Variants in UNC80 observed in about 807,000 individuals in gnomAD.
The protein encoded by UNC80 is unc-80 subunit of NALCN channel complex, also known as protein unc-80 homolog.
Under a neutral mutation model 384.6 loss-of-function variants are expected in UNC80, and 164 were observed. The observed-to-expected ratio is 0.43, with a 90% confidence interval of 0.38 to 0.49. The LOEUF is 0.49. UNC80 is among the 20% of genes least tolerant of loss of function. The pLI is 0.00. For synonymous variants in UNC80, 1,486 were observed against 1,527.8 expected (o/e 0.97, Z 0.64); for missense variants, 3,330 against 4,143.0 (o/e 0.80, Z 5.39).
chr2:209,846,154 C>T (rs2082156189), intron 21 of UNC80, among the ~76,000 whole-genome samples: 4 of 152,098 alleles, frequency 2.6e-5, no homozygotes, highest in Admixed American at 1.3e-4. Flanking sequence ...AGAGAACAAA[C>T]ATCAAACCTT....
chr2:209,934,360 GGA>G (rs1246165386), intron 39 of UNC80, among the ~76,000 whole-genome samples: 1 of 152,142 alleles, frequency 6.6e-6, no homozygotes, highest in African/African-American at 2.4e-5. Context: ...TGTATGGCAT[GGA>G]CTCCAGTCTT....
At chr2:209,868,650 C>T (rs2084036626) in intron 22 of UNC80, among the ~76,000 whole-genome samples, 1 of 152,140 alleles carries the variant, frequency 6.6e-6, no homozygotes, top group Non-Finnish European at 1.5e-5. Flanking sequence ...TAGCCAGACT[C>T]CTGATGTTTT....
At chr2:209,912,128 C>A (rs1183747426) in intron 29 of UNC80, among the ~76,000 whole-genome samples, 1 of 152,154 alleles carries the variant, frequency 6.6e-6, no homozygotes, top group Non-Finnish European at 1.5e-5. Context: ...CAGCATCCAA[C>A]CCTATGAAGG....
chr2:209,975,792 C>T (rs552755348), intron 56 of UNC80, among the ~76,000 whole-genome samples: 1 of 152,182 alleles, frequency 6.6e-6, no homozygotes, highest in African/African-American at 2.4e-5. Context: ...GAAGGTAAAA[C>T]GTTAGCCACA....
At position 209,926,986 on chromosome 2, in the gene UNC80, G is replaced by C. The variant is rs1401196061; in HGVS notation, c.5806G>C (p.Val1936Leu). The C allele has an allele frequency of 3.2e-6, 5 of 1,551,482 alleles. No homozygotes were observed. Among genetic ancestry groups the C allele is most frequent in the Non-Finnish European group, 4.4e-6 (5 of 1,146,892 alleles). ...TGAGGTGCGGGAAGATGGAGTAGCAGGTACAGTTTTGAACAGTCAGATCAT... is the reference window on the plus strand; with the variant it reads ...TGAGGTGCGGGAAGATGGAGTAGCACGTACAGTTTTGAACAGTCAGATCAT... ...DGEVREDGVA[V>L]SAVAQQVLWN... is the part of the protein sequence containing the mutation. Residue 1936 changes from valine (V) to leucine (L), a missense_variant and splice_region_variant, in exon 36 of 65, where the codon GTG (valine) becomes CTG (leucine). Transcript: ENST00000673920.
At chr2:209,773,000 C>A in intron 1 of UNC80, 94 bp from the exon 2 acceptor site, 1 of 991,290 alleles carries the variant, frequency 1.0e-6, no homozygotes, top group Non-Finnish European at 1.5e-6. Context: ...AATTTCATAG[C>A]ATCCTGTCTT....
rs765470187 is a variant in UNC80, at chr2:209,978,726, A to C, written c.9118+18A>C. 12 of 1,512,968 alleles carry C rather than the reference A, an allele frequency of 7.9e-6. No individual in the cohort carries two copies. In the South Asian group the frequency reaches 1.4e-4, roughly 17 times the overall value. 93.7% of individuals were successfully genotyped at this position (1,512,968 alleles called of 1,614,324 possible). On this transcript the variant is annotated intron_variant, in intron 59 of 64. Coordinates refer to ENST00000673920, the MANE Select transcript of UNC80 (RefSeq NM_001371986.1). ...TGAGGAAAGTAGGTCATTCCAGAGA[A>C]TCTGGGCAGTAGACATGGCCTGGCC...
chr2:209,926,840 T>G lies in UNC80; in HGVS notation c.5663-3T>G. 1 of 1,551,940 alleles carries G rather than the reference T, an allele frequency of 6.4e-7. No individual in the cohort carries two copies. Among genetic ancestry groups the G allele is most frequent in the Non-Finnish European group, 8.7e-7 (1 of 1,146,970 alleles). Reference sequence around the variant, plus strand: ...AGCACCCTGATTTTGTCTCCCATTTTAGATGAGGAACATACCACTGAACAC... The same window carrying G: ...AGCACCCTGATTTTGTCTCCCATTTGAGATGAGGAACATACCACTGAACAC... On this transcript the variant is annotated splice_region_variant and splice_polypyrimidine_tract_variant and intron_variant, in intron 35 of 64. Transcript: ENST00000673920.
In UNC80 at chr2:209,969,911, T is replaced by G; in HGVS notation, c.8130+20T>G. 2 of 1,551,090 alleles carry G rather than the reference T, an allele frequency of 1.3e-6. No individual in the cohort carries two copies. The highest frequency in any genetic ancestry group is 2.4e-5 in the South Asian group (2 of 83,866). ...AATCTGGTGAGTAGCCAAGTGGCAA[T>G]CTTATGAAACTTTGCACAATGTAAC... On this transcript the variant is annotated intron_variant, in intron 53 of 64. Transcript: ENST00000673920.
In UNC80 at chr2:209,817,830, G is replaced by C. The variant is rs1281431858; in HGVS notation, c.1571G>C (p.Gly524Ala). Residue 524 changes from glycine to alanine, a missense_variant, in exon 11 of 65, where the codon GGC becomes GCC. Gly to Ala is a moderately conservative substitution (Grantham distance 60, BLOSUM62 0). This residue lies in a region of UNC80 where 937 missense variants were observed against 1,026.8 expected (regional missense o/e 0.91). Coordinates refer to ENST00000673920, the MANE Select transcript of UNC80 (RefSeq NM_001371986.1). ...TTILGKLTRRGSSDAATEMES... is the reference protein window; with the variant it reads ...TTILGKLTRRASSDAATEMES... ...ATCCCAGGGAAATTGACCCGGCGAG[G>C]CAGTTCAGATGCAGCCACTGAGATG... The C allele has an allele frequency of 3.2e-6, 5 of 1,551,464 alleles. No individual in the cohort carries two copies. In the Admixed American group the frequency reaches 9.8e-5, roughly 30 times the overall value.
chr2:209,801,188 A>G (rs1458430844), intron 7 of UNC80, among the ~76,000 whole-genome samples: 2 of 152,078 alleles, frequency 1.3e-5, no homozygotes, highest in Admixed American at 1.3e-4. Context: ...TTGGGAGTCT[A>G]AGTCTCTTTT....
intron 21 of UNC80, among the ~76,000 whole-genome samples, chr2:209,849,245 CA>C (rs1187867439): frequency 1.3e-5 from 2 of 152,098 alleles, no homozygotes; most frequent in African/African-American, 4.8e-5. Context: ...CTTACATTTT[CA>C]TATGTCATGT....
intron 22 of UNC80, among the ~76,000 whole-genome samples, chr2:209,858,192 G>T (rs764950870): frequency 3.9e-5 from 6 of 152,086 alleles, no homozygotes; most frequent in Non-Finnish European, 8.8e-5. Flanking sequence ...AAGCAAACAG[G>T]TTTAGAAATA....
intron 38 of UNC80, among the ~76,000 whole-genome samples, chr2:209,931,335 T>G (rs1172000940): frequency 1.3e-5 from 2 of 150,520 alleles, no homozygotes. Context: ...CTTTTAGTAT[T>G]TTTTCCTCTT....
chr2:209,892,851 A>G (rs1258051902), intron 26 of UNC80, among the ~76,000 whole-genome samples: 1 of 152,180 alleles, frequency 6.6e-6, no homozygotes, highest in East Asian at 1.9e-4. Flanking sequence ...ATGCAGCTTT[A>G]TGGTTCATAG....
chr2:209,805,485 A>G (rs749738637), intron 7 of UNC80, among the ~76,000 whole-genome samples: 1 of 152,184 alleles, frequency 6.6e-6, no homozygotes, highest in Non-Finnish European at 1.5e-5. Context: ...TGATTGTGGC[A>G]CAGAGTCTCT....
At chr2:209,837,896 T>C (rs892025432) in intron 18 of UNC80, among the ~76,000 whole-genome samples, 1 of 151,848 alleles carries the variant, frequency 6.6e-6, no homozygotes, top group African/African-American at 2.4e-5. Context: ...CTCAGCCTCC[T>C]GAGTAGCTGG....
chr2:209,777,165 A>T, intron 3 of UNC80, 93 bp from the exon 4 acceptor site: 1 of 1,369,068 alleles, frequency 7.3e-7, no homozygotes, highest in South Asian at 1.4e-5. Context: ...AAGTATAGAG[A>T]AAGGAGGGAT....
chr2:209,816,956 C>T lies in UNC80; in HGVS notation c.1383C>T (p.Phe461=). ...EDRERKGSIP[F]HHTGKRRPRR... Reference sequence around the variant, plus strand: ...GAGAGAGGAAAGGCTCCATTCCATTCCACCACACAGGCAAGAGGAGGCCAC... The same window carrying T: ...GAGAGAGGAAAGGCTCCATTCCATTTCACCACACAGGCAAGAGGAGGCCAC... Residue 461 remains phenylalanine (F), a synonymous_variant, in exon 10 of 65, where the codon TTC becomes TTT. Transcript: ENST00000673920. 3 of 1,551,706 alleles carry T rather than the reference C, an allele frequency of 1.9e-6. No individual in the cohort carries two copies. The highest frequency in any genetic ancestry group is 2.6e-6 in the Non-Finnish European group (3 of 1,147,000).
Sources: allele counts gnomAD v4.1 joint callset (sites outside exome capture counted in the v4.1 genomes callset), GRCh38; gene constraint gnomAD v4.1.1; regional missense constraint gnomAD v4.1.1; transcripts MANE v1.5; gene names NCBI Gene and HGNC (gene_info 2026-07-23, HGNC 2026-07-21).